The following CELF2 variants were observed in gnomAD, a reference collection of about 807,000 sequenced individuals.
The protein encoded by CELF2 is CUG triplet repeat RNA-binding protein 2.
Under a neutral mutation model 62.6 loss-of-function variants are expected in CELF2, and 8 were observed. That is an observed-to-expected ratio of 0.13 (90% confidence interval 0.07 to 0.23). The LOEUF is 0.23. CELF2 is among the 10% of genes least tolerant of loss of function. The probability of loss-of-function intolerance (pLI) is 1.00; values close to 1 mark genes in which losing one functional copy is unlikely to be tolerated. For missense variants in CELF2, 333 were observed against 671.0 expected, an observed-to-expected ratio of 0.50 and a Z score of 5.56; for synonymous variants, 258 against 250.0, an observed-to-expected ratio of 1.03 and a Z score of -0.30.
At chr10:11,218,068 T>C (rs2063799029) in intron 3 of CELF2, among the ~76,000 whole-genome samples, 1 of 152,204 alleles carries the variant, frequency 6.6e-6, no homozygotes, top group Non-Finnish European at 1.5e-5. Context: ...TCCGTTTCCT[T>C]CCCAGTAATA....
rs561751926 is a variant in CELF2 at position 11,319,516 on chromosome 10, C to T, written c.1097-1673C>T. Among the ~76,000 whole-genome samples, 2 of 152,292 alleles carry T rather than the reference C, an allele frequency of 1.3e-5. No homozygotes were observed. Among genetic ancestry groups the T allele is most frequent in the African/African-American group, 2.4e-5 (1 of 41,558 alleles). ...ATCCAAGCTCTTTGGACAGCACTTACTTGCATGACCCAAAGAAAACATTAA... is the reference window on the plus strand; with the variant it reads ...ATCCAAGCTCTTTGGACAGCACTTATTTGCATGACCCAAAGAAAACATTAA... On this transcript the variant is annotated intron_variant, in intron 10 of 12. Transcript: ENST00000633077. The surrounding 1 kb of genome is among the most constrained non-coding windows in gnomAD (Gnocchi z 4.4).
chr10:11,091,866 C>T (rs1023281039), intron 1 of CELF2, among the ~76,000 whole-genome samples: 4 of 152,192 alleles, frequency 2.6e-5, no homozygotes, highest in African/African-American at 9.7e-5. Flanking sequence ...AGATATAACT[C>T]GTTCATGAGG....
At chr10:10,588,168 G>A in the CELF2 span, among the ~76,000 whole-genome samples, 2 of 152,122 alleles carry the variant, frequency 1.3e-5, no homozygotes, top group African/African-American at 2.4e-5. Context: ...TCTCTCAGAC[G>A]CTGATGGCCC....
At chr10:10,860,058 T>C (rs1483046231) in intron 1 of CELF2, among the ~76,000 whole-genome samples, 2 of 152,182 alleles carry the variant, frequency 1.3e-5, no homozygotes, top group East Asian at 3.8e-4. Context: ...TATCTTTTTA[T>C]GAAAATGTAT....
At chr10:11,112,376 G>A (rs1175681166) in intron 1 of CELF2, among the ~76,000 whole-genome samples, 1 of 152,238 alleles carries the variant, frequency 6.6e-6, no homozygotes, top group East Asian at 1.9e-4. Context: ...GGGAAAGGGA[G>A]TCAGAAACTG....
chr10:10,661,370 G>A, the CELF2 span, among the ~76,000 whole-genome samples: 3 of 152,116 alleles, frequency 2.0e-5, no homozygotes, highest in South Asian at 2.1e-4. Context: ...AGTTGGATTC[G>A]GTTTTATAAA....
intron 1 of CELF2, among the ~76,000 whole-genome samples, chr10:10,902,611 A>C (rs1225846713): frequency 6.6e-6 from 1 of 152,212 alleles, no homozygotes; most frequent in Non-Finnish European, 1.5e-5. Flanking sequence ...GGATAGGAGA[A>C]AAGGATTACA....
chr10:10,894,583 T>C (rs928896052), intron 1 of CELF2, among the ~76,000 whole-genome samples: 1 of 152,200 alleles, frequency 6.6e-6, no homozygotes, highest in Non-Finnish European at 1.5e-5. Flanking sequence ...GACGGAATTT[T>C]AGGCAGTTGA....
chr10:10,766,583 C>T, the CELF2 span, among the ~76,000 whole-genome samples: 4 of 152,290 alleles, frequency 2.6e-5, no homozygotes, highest in Admixed American at 2.0e-4. Context: ...GTCTCCACTG[C>T]TGGAGGTTAG....
Position 11,197,002 on chromosome 10 carries a change from G to GAGAA in CELF2, c.272-20401_272-20398dup, listed in dbSNP as rs1375486505. On this transcript the variant is annotated intron_variant, in intron 2 of 12. Transcript: ENST00000633077. Reference sequence around the variant, plus strand: ...GAGAGAAAGAAAGAAAGGAAGGAAGGAGAAAGAAAGAAAGAAAGAAAGAAA... The same window carrying GAGAA: ...GAGAGAAAGAAAGAAAGGAAGGAAGGAGAAAGAAAGAAAGAAAGAAAGAAAGAAA... 1.0e-3 allele frequency among the ~76,000 whole-genome samples: 14 copies of GAGAA among 13,858 alleles called. 2 individuals carry two copies. Among genetic ancestry groups the GAGAA allele is most frequent in the South Asian group, 2.4e-3 (1 of 410 alleles). The allele number at this position is 13,858 out of a possible 152,430, so 9.1% of individuals were successfully genotyped here.
chr10:10,516,929 C>T, the CELF2 span, among the ~76,000 whole-genome samples: 1 of 152,010 alleles, frequency 6.6e-6, no homozygotes, highest in Admixed American at 6.6e-5. Context: ...GGGCGGCACC[C>T]ACCTCTTTTT....
At chr10:11,143,823 C>A (rs372738630) in intron 1 of CELF2, among the ~76,000 whole-genome samples, 7 of 152,332 alleles carry the variant, frequency 4.6e-5, no homozygotes, top group African/African-American at 1.7e-4. Flanking sequence ...TATTAAAATA[C>A]ATTTCTTTTC....
chr10:11,055,092 T>G (rs1028941696), intron 1 of CELF2, among the ~76,000 whole-genome samples: 2 of 152,260 alleles, frequency 1.3e-5, no homozygotes, highest in Non-Finnish European at 2.9e-5. Flanking sequence ...GTTACTGTAA[T>G]GCTCATAACC....
intron 2 of CELF2, among the ~76,000 whole-genome samples, chr10:11,193,407 C>T (rs138200581): frequency 1.3e-5 from 2 of 152,168 alleles, no homozygotes; most frequent in African/African-American, 4.8e-5. Flanking sequence ...AAAGTTTCAC[C>T]GTGACAAGTG....
intron 2 of CELF2, among the ~76,000 whole-genome samples, chr10:10,971,742 G>A (rs547098354): frequency 9.3e-4 from 142 of 152,006 alleles, no homozygotes; most frequent in East Asian, 1.4e-3. Flanking sequence ...ACCCACTACC[G>A]TGCCTGGCTA....
chr10:10,660,021 A>G, the CELF2 span, among the ~76,000 whole-genome samples: 1 of 152,228 alleles, frequency 6.6e-6, no homozygotes, highest in Non-Finnish European at 1.5e-5. Flanking sequence ...AGAGCTGAAT[A>G]TGCTGCTGGC....
chr10:10,569,929 T>TTC, the CELF2 span, among the ~76,000 whole-genome samples: 42 of 152,158 alleles, frequency 2.8e-4, no homozygotes, highest in Non-Finnish European at 4.4e-4. Flanking sequence ...TTCAGGAAGA[T>TTC]TGCCTCTGTC....
chr10:10,718,321 C>A, the CELF2 span, among the ~76,000 whole-genome samples: 1 of 152,096 alleles, frequency 6.6e-6, no homozygotes, highest in African/African-American at 2.4e-5. Flanking sequence ...CAATTCCCCA[C>A]AGACAAATCC....
At chr10:10,493,217 AC>A in the CELF2 span, among the ~76,000 whole-genome samples, 2 of 152,182 alleles carry the variant, frequency 1.3e-5, no homozygotes, top group African/African-American at 4.8e-5. Flanking sequence ...TAAATGAGGC[AC>A]TAGAGTAGTC....
Sources: gnomAD v4.1 joint callset for allele counts (sites outside exome capture counted in the v4.1 genomes callset) on GRCh38, gnomAD v4.1.1 for gene constraint, Gnocchi (gnomAD v3.1) non-coding constraint, MANE v1.5 for transcripts, NCBI Gene and HGNC (gene_info 2026-07-23, HGNC 2026-07-21) for gene names.